SCFD2: variants seen among roughly 807,000 people sequenced by gnomAD.
The protein encoded by SCFD2 is sec1 family domain-containing protein 2.
Under a neutral mutation model 58.9 loss-of-function variants are expected in SCFD2, and 54 were observed. That is an observed-to-expected ratio of 0.92 (90% CI 0.74 to 1.15). The LOEUF (loss-of-function observed/expected upper bound fraction) is 1.15, where lower values mean the gene tolerates loss of function less well. SCFD2 is among the 50% of genes most tolerant of loss of function. The pLI is 0.00. For missense variants in SCFD2, 805 were observed against 836.6 expected, an observed-to-expected ratio of 0.96 and a Z score of 0.47; for synonymous variants, 321 against 335.9, an observed-to-expected ratio of 0.96 and a Z score of 0.49.
chr4:53,173,378 A>G (rs79842466), intron 4 of SCFD2, among the ~76,000 whole-genome samples: 2,407 of 152,280 alleles, frequency 0.016, 40 homozygotes, highest in Middle Eastern at 0.034. Flanking sequence ...ATCAAAAGTC[A>G]GGGACCATTT....
At chr4:53,252,831 A>C (rs900971581) in intron 4 of SCFD2, among the ~76,000 whole-genome samples, 36 of 152,308 alleles carry the variant, frequency 2.4e-4, no homozygotes, top group African/African-American at 8.7e-4. Flanking sequence ...GGCATGGGCA[A>C]GGACTTCATG....
At chr4:52,901,237 C>T (rs1172936376) in intron 7 of SCFD2, among the ~76,000 whole-genome samples, 6 of 152,204 alleles carry the variant, frequency 3.9e-5, no homozygotes, top group African/African-American at 7.2e-5. Flanking sequence ...GCATCACTCA[C>T]GCTGGGAGCT....
At chr4:52,935,108 C>G (rs1720102295) in intron 5 of SCFD2, among the ~76,000 whole-genome samples, 1 of 152,134 alleles carries the variant, frequency 6.6e-6, no homozygotes, top group Admixed American at 6.5e-5. Context: ...CATTGCACAG[C>G]AGTAGAATGT....
At chr4:52,985,668 TA>T (rs1470708682) in intron 5 of SCFD2, among the ~76,000 whole-genome samples, 1 of 72,578 alleles carries the variant, frequency 1.4e-5, no homozygotes, top group African/African-American at 3.4e-5. Context: ...ATTTTTTGCT[TA>T]AAAAATTAGT....
At chr4:52,993,405 TA>T (rs1325623074) in intron 5 of SCFD2, among the ~76,000 whole-genome samples, 2 of 70,802 alleles carry the variant, frequency 2.8e-5, no homozygotes, top group Non-Finnish European at 7.5e-5. Context: ...ACTAAAAAAA[TA>T]AAAAAATAAA....
At chr4:53,332,037 A>C (rs1266421630) in intron 2 of SCFD2, among the ~76,000 whole-genome samples, 1 of 152,230 alleles carries the variant, frequency 6.6e-6, no homozygotes. Context: ...CTCTCCCAAG[A>C]CTAAACCAGG....
intron 5 of SCFD2, among the ~76,000 whole-genome samples, chr4:53,009,445 A>T (rs1368570626): frequency 6.6e-6 from 1 of 152,234 alleles, no homozygotes; most frequent in Non-Finnish European, 1.5e-5. Flanking sequence ...CTACTGGAAG[A>T]ACACATGGTA....
intron 2 of SCFD2, among the ~76,000 whole-genome samples, chr4:53,349,129 A>G (rs1482681717): frequency 6.6e-6 from 1 of 152,242 alleles, no homozygotes; most frequent in African/African-American, 2.4e-5. Flanking sequence ...AACATAGCCT[A>G]AGTGAGAGGC....
At chr4:53,203,438 CAAAG>C (rs999467796) in intron 4 of SCFD2, among the ~76,000 whole-genome samples, 1 of 150,860 alleles carries the variant, frequency 6.6e-6, no homozygotes, top group Non-Finnish European at 1.5e-5. Flanking sequence ...AATTTTCGAT[CAAAG>C]AAAGAAAGAT....
At chr4:53,082,399 G>T (rs1023048427) in intron 5 of SCFD2, among the ~76,000 whole-genome samples, 3 of 152,038 alleles carry the variant, frequency 2.0e-5, no homozygotes, top group African/African-American at 7.2e-5. Flanking sequence ...CCATGCTAAT[G>T]GTTATAAAGT....
intron 5 of SCFD2, among the ~76,000 whole-genome samples, chr4:53,008,353 C>G (rs993572107): frequency 6.6e-6 from 1 of 152,312 alleles, no homozygotes; most frequent in Non-Finnish European, 1.5e-5. Flanking sequence ...TCTCCCTCCC[C>G]ACCCTGGCAC....
At chr4:53,329,177 C>T (rs1461668104) in intron 2 of SCFD2, among the ~76,000 whole-genome samples, 3 of 152,238 alleles carry the variant, frequency 2.0e-5, no homozygotes, top group Non-Finnish European at 2.9e-5. Flanking sequence ...AAGAGGCGCC[C>T]GCCATTGCCC....
chr4:52,912,138 A>ACAAAACAT (rs1400113624), intron 6 of SCFD2, among the ~76,000 whole-genome samples: 4 of 152,160 alleles, frequency 2.6e-5, no homozygotes, highest in Admixed American at 2.6e-4. Flanking sequence ...TACAAACAAA[A>ACAAAACAT]CAAAACATGA....
intron 4 of SCFD2, among the ~76,000 whole-genome samples, chr4:53,201,056 G>A (rs1728217345): frequency 6.6e-6 from 1 of 150,558 alleles, no homozygotes; most frequent in Non-Finnish European, 1.5e-5. Flanking sequence ...TAAGTTTTAG[G>A]GCACACGTAC....
At chr4:53,201,245 A>G (rs929635677) in intron 4 of SCFD2, among the ~76,000 whole-genome samples, 4 of 151,488 alleles carry the variant, frequency 2.6e-5, no homozygotes, top group Admixed American at 6.6e-5. Context: ...TCATTGTTCA[A>G]TTCCCACCTA....
chr4:53,176,306 A>C (rs1727326473), intron 4 of SCFD2, among the ~76,000 whole-genome samples: 1 of 152,236 alleles, frequency 6.6e-6, no homozygotes, highest in African/African-American at 2.4e-5. Flanking sequence ...TACAGACAAC[A>C]CTCAAAGGAA....
intron 5 of SCFD2, among the ~76,000 whole-genome samples, chr4:53,047,279 C>T (rs1723065425): frequency 6.6e-6 from 1 of 152,052 alleles, no homozygotes; most frequent in South Asian, 2.1e-4. Context: ...GAGACCCAGA[C>T]TCTACAAAAA....
chr4:53,311,157 T>A (rs1249698746), intron 3 of SCFD2, among the ~76,000 whole-genome samples: 1 of 152,174 alleles, frequency 6.6e-6, no homozygotes, highest in Non-Finnish European at 1.5e-5. Context: ...CGGCTAGTGA[T>A]ATGAAGCAAA....
At chr4:52,999,947 T>C (rs1390257973) in intron 5 of SCFD2, among the ~76,000 whole-genome samples, 1 of 152,220 alleles carries the variant, frequency 6.6e-6, no homozygotes, top group Non-Finnish European at 1.5e-5. Flanking sequence ...CCTCCTCTGG[T>C]TGGCATTTCT....
Sources: allele counts gnomAD v4.1 joint callset (sites outside exome capture counted in the v4.1 genomes callset), GRCh38; gene constraint gnomAD v4.1.1; transcripts MANE v1.5; gene names NCBI Gene and HGNC (gene_info 2026-07-23, HGNC 2026-07-21).